Variants in FBXO31 observed in about 807,000 individuals in gnomAD.
The protein encoded by FBXO31 is F-box only protein 31.
A neutral mutation model predicts 54.4 loss-of-function variants in FBXO31; 24 were observed. That is an observed-to-expected ratio of 0.44 (90% CI 0.32 to 0.62). FBXO31 has a LOEUF of 0.62. Ranked by LOEUF, FBXO31 falls within the 20% of genes least tolerant of loss-of-function variation. The pLI is 0.05. For missense variants in FBXO31, 665 were observed against 787.1 expected (o/e 0.84, Z 1.86); for synonymous variants, 388 against 335.6 (o/e 1.16, Z -1.71).
Position 87,383,318 on chromosome 16 carries a change from C to G in FBXO31, c.340+87G>C, listed in dbSNP as rs1907167331. 7.9e-7 allele frequency: 1 copy of G among 1,258,024 alleles called. No homozygotes were observed. The highest frequency in any genetic ancestry group is 1.1e-6 in the Non-Finnish European group (1 of 951,146). The allele number at this position is 1,258,024 out of a possible 1,614,324, so 77.9% of individuals were successfully genotyped here. A position where few individuals can be genotyped will look rare whatever the true frequency, so the allele number is the denominator to read the frequency against. On this transcript the variant is annotated intron_variant, in intron 1 of 8. Transcript: ENST00000311635. This position sits in a 1 kb window ranked among gnomAD's most constrained non-coding sequence, Gnocchi z 4.9. ...CCCAACTGGTGGCCCCCGGCCGGGG[C>G]CACCGCCCCCGCCACTCCCAGCTCC...
chr16:87,389,924 C>T (rs1168863814), upstream of FBXO31: 2 of 152,192 alleles, frequency 1.3e-5, no homozygotes, highest in African/African-American at 4.8e-5. Context: ...AGGTAAAGAA[C>T]TATGACAAAA....
intron 1 of FBXO31, among the ~76,000 whole-genome samples, chr16:87,376,276 C>CA (rs1906820440): frequency 1.4e-5 from 2 of 145,574 alleles, no homozygotes; most frequent in Non-Finnish European, 3.0e-5. Context: ...TTTTTTCTTT[C>CA]TTTTTTTTTT....
chr16:87,336,699 C>A lies in FBXO31; in HGVS notation c.733-435G>T, dbSNP rs1473631697. Among the ~76,000 whole-genome samples the A allele has an allele frequency of 6.6e-6, 1 of 152,154 alleles. No individual in the cohort carries two copies. ...GGAGCCTGAGTGTTCCAGAAGCCCT[C>A]ACCACCAACCCTGAGCCGTGCGAGT... On this transcript the variant is annotated intron_variant, in intron 5 of 8. Transcript: ENST00000311635. This position sits in a 1 kb window ranked among gnomAD's most constrained non-coding sequence, Gnocchi z 6.5.
chr16:87,383,565 C>A lies in FBXO31; in HGVS notation c.180G>T (p.Pro60=). The change falls in exon 1 of 9, where the codon CCG becomes CCT. Residue 60 remains proline, a synonymous_variant. Coordinates refer to ENST00000311635, the MANE Select transcript of FBXO31 (RefSeq NM_024735.5). The surrounding 1 kb of genome is among the most constrained non-coding windows in gnomAD (Gnocchi z 4.9). ...CCAGCAGCGAGCAGCGCGGGGGCGG[C>A]GGCGAGGGGCCCGCGCACAAGCCGC... is the stretch of plus-strand genomic sequence containing the variant. ...VGGGLCAGPS[P]PPPRCSLLEL... 1 of 1,524,524 alleles carries A rather than the reference C, an allele frequency of 6.6e-7. No homozygotes were observed. The allele number at this position is 1,524,524 out of a possible 1,614,324, so 94.4% of individuals were successfully genotyped here.
chr16:87,371,124 A>G (rs1181622101), intron 1 of FBXO31, among the ~76,000 whole-genome samples: 1 of 152,216 alleles, frequency 6.6e-6, no homozygotes, highest in Non-Finnish European at 1.5e-5. Context: ...ATAGAATGGA[A>G]AAAACAAAGC....
chr16:87,331,590 C>G, intron 8 of FBXO31, 80 bp from the exon 9 acceptor site: 4 of 1,172,236 alleles, frequency 3.4e-6, no homozygotes, highest in Non-Finnish European at 4.8e-6. Flanking sequence ...TCTGCGACCC[C>G]GCTCTGTGCC....
Position 87,358,790 on chromosome 16 carries a change from C to T in FBXO31, c.412+1505G>A, listed in dbSNP as rs1906008053. Among the ~76,000 whole-genome samples the T allele has an allele frequency of 6.6e-6, 1 of 152,174 alleles. No individual in the cohort carries two copies. Among genetic ancestry groups the T allele is most frequent in the African/African-American group, 2.4e-5 (1 of 41,428 alleles). Reference sequence around the variant, plus strand: ...CCGGGGCCAGCACACTCCCGGCAGGCCCCAGGCCACAGCTCACTGGGGCTC... The same window carrying T: ...CCGGGGCCAGCACACTCCCGGCAGGTCCCAGGCCACAGCTCACTGGGGCTC... On this transcript the variant is annotated intron_variant, in intron 2 of 8. Coordinates refer to ENST00000311635, the MANE Select transcript of FBXO31 (RefSeq NM_024735.5). The surrounding 1 kb of genome is among the most constrained non-coding windows in gnomAD (Gnocchi z 4.0).
intron 2 of FBXO31, among the ~76,000 whole-genome samples, chr16:87,355,686 C>G (rs755187071): frequency 6.6e-6 from 1 of 152,200 alleles, no homozygotes; most frequent in Admixed American, 6.5e-5. Context: ...GCCGCCAGCT[C>G]GAAGCAACTG....
At chr16:87,367,604 C>T (rs1367467349) in intron 1 of FBXO31, 2 of 152,208 alleles carry the variant, frequency 1.3e-5, no homozygotes, top group Non-Finnish European at 2.9e-5. Context: ...CAGTTTGCTG[C>T]GTGGTTTAAA....
rs1905088431 is a variant in FBXO31 at position 87,338,191 on chromosome 16, G to A, written c.733-1927C>T. Among the ~76,000 whole-genome samples the A allele has an allele frequency of 6.7e-6, 1 of 150,026 alleles. No individual in the cohort carries two copies. The highest frequency in any genetic ancestry group is 6.7e-5 in the Admixed American group (1 of 14,960). On this transcript the variant is annotated intron_variant, in intron 5 of 8. Coordinates refer to ENST00000311635, the MANE Select transcript of FBXO31 (RefSeq NM_024735.5). This position sits in a 1 kb window ranked among gnomAD's most constrained non-coding sequence, Gnocchi z 4.3. ...CCCAGAATAAGGCCGTCCCAAGCAT[G>A]TTTATTATGAAATTACTCATCAGAG... is the stretch of plus-strand genomic sequence containing the variant.
rs11865816 is a variant in FBXO31 at position 87,365,715 on chromosome 16, A to C, written c.341-5349T>G. Among the ~76,000 whole-genome samples, 1,128 of 152,336 alleles carry C rather than the reference A, an allele frequency of 7.4e-3. 12 individuals are homozygous for C. The highest frequency in any genetic ancestry group is 0.025 in the African/African-American group (1,057 of 41,584). ...AAATACACTTTTCTCTTAGTTGACA[A>C]TGTATGAAACAACTGTATGAAAAAC... On this transcript the variant is annotated intron_variant, in intron 1 of 8. Coordinates refer to ENST00000311635, the MANE Select transcript of FBXO31 (RefSeq NM_024735.5).
In FBXO31 at chr16:87,345,374, G is replaced by A. The variant is rs980542281; in HGVS notation, c.490-1609C>T. ...AGGGAGGGGAAGAGGGTGGGAGGGC[G>A]GACCGGAAGCCATGCAGACTCCATG... On this transcript the variant is annotated intron_variant, in intron 3 of 8. Coordinates refer to ENST00000311635, the MANE Select transcript of FBXO31 (RefSeq NM_024735.5). This position sits in a 1 kb window ranked among gnomAD's most constrained non-coding sequence, Gnocchi z 4.9. 2.6e-5 allele frequency among the ~76,000 whole-genome samples: 4 copies of A among 151,726 alleles called. No homozygotes were observed. Among genetic ancestry groups the A allele is most frequent in the African/African-American group, 4.8e-5 (2 of 41,266 alleles).
intron 1 of FBXO31, among the ~76,000 whole-genome samples, chr16:87,366,644 C>T (rs952593144): frequency 2.6e-5 from 4 of 152,162 alleles, no homozygotes; most frequent in Admixed American, 2.6e-4. Flanking sequence ...GAGATTGCCA[C>T]TGACGAAAAA....
rs890452958 is a variant in FBXO31 at position 87,328,662 on chromosome 16, T to A, written c.*2626A>T. On this transcript the variant is annotated 3_prime_UTR_variant, in exon 9 of 9. Coordinates refer to ENST00000311635, the MANE Select transcript of FBXO31 (RefSeq NM_024735.5). The stretch of plus-strand genomic sequence containing the variant: ...CTCTGAAATCTTCAATCACATCATT[T>A]CCAAACAAGTGACAAAGAACACGTT... 1.3e-5 allele frequency: 2 copies of A among 152,230 alleles called. No individual in the cohort carries two copies. Among genetic ancestry groups the A allele is most frequent in the African/African-American group, 2.4e-5 (1 of 41,446 alleles). The allele number at this position is 152,230 out of a possible 1,614,324, so 9.4% of individuals were successfully genotyped here.
chr16:87,337,457 G>A (rs1036204067), intron 5 of FBXO31, among the ~76,000 whole-genome samples: 1 of 152,222 alleles, frequency 6.6e-6, no homozygotes, highest in Non-Finnish European at 1.5e-5. Context: ...CTACGGAAAA[G>A]CAAAGAACTG....
chr16:87,379,375 T>C (rs1906972186), intron 1 of FBXO31, among the ~76,000 whole-genome samples: 1 of 152,166 alleles, frequency 6.6e-6, no homozygotes, highest in African/African-American at 2.4e-5. Flanking sequence ...GCAGAGGGCA[T>C]GGGGTAGGTA....
chr16:87,353,201 G>C (rs1170544261), intron 2 of FBXO31, among the ~76,000 whole-genome samples: 1 of 152,180 alleles, frequency 6.6e-6, no homozygotes, highest in East Asian at 1.9e-4. Flanking sequence ...CACTTTCAGA[G>C]CCGCATGCAG....
chr16:87,351,342 A>T (rs1905646662), intron 2 of FBXO31, among the ~76,000 whole-genome samples: 1 of 152,086 alleles, frequency 6.6e-6, no homozygotes, highest in African/African-American at 2.4e-5. Context: ...TATTATAAAC[A>T]TGTCATCTAG....
intron 2 of FBXO31, among the ~76,000 whole-genome samples, chr16:87,354,208 C>G (rs1905793949): frequency 6.6e-6 from 1 of 152,234 alleles, no homozygotes; most frequent in Non-Finnish European, 1.5e-5. Context: ...CGCGGTGGCT[C>G]ACGCCTGTAA....
Sources: gnomAD v4.1 joint callset for allele counts (sites outside exome capture counted in the v4.1 genomes callset) on GRCh38, gnomAD v4.1.1 for gene constraint, Gnocchi (gnomAD v3.1) non-coding constraint, MANE v1.5 for transcripts, NCBI Gene and HGNC (gene_info 2026-07-23, HGNC 2026-07-21) for gene names.